The following RBFOX1 variants were observed in gnomAD, a reference collection of about 807,000 sequenced individuals.
The protein encoded by RBFOX1 is RNA binding protein fox-1 homolog 1.
RBFOX1 carries 8 observed loss-of-function variants against 57.7 expected under a neutral mutation model. The ratio of observed to expected loss-of-function variants is 0.14; its 90% CI spans 0.08 to 0.25. RBFOX1 has a LOEUF of 0.25. RBFOX1 is among the 10% of genes least tolerant of loss of function. RBFOX1 has a pLI of 1.00. For synonymous variants in RBFOX1, 326 were observed against 222.4 expected, an observed-to-expected ratio of 1.47 and a Z score of -4.15; for missense variants, 611 against 548.5, an observed-to-expected ratio of 1.11 and a Z score of -1.14.
At chr16:5,257,595 TG>T (rs2062620489) in intron 1 of RBFOX1, among the ~76,000 whole-genome samples, 1 of 152,228 alleles carries the variant, frequency 6.6e-6, no homozygotes, top group Non-Finnish European at 1.5e-5. Flanking sequence ...TCTCTGGCGC[TG>T]AGTTCTTGGA....
chr16:7,172,577 C>T (rs1447407917), intron 4 of RBFOX1, among the ~76,000 whole-genome samples: 1 of 152,112 alleles, frequency 6.6e-6, no homozygotes, highest in Non-Finnish European at 1.5e-5. Flanking sequence ...ATTAGCATTC[C>T]TGTTGTTTCC....
intron 1 of RBFOX1, among the ~76,000 whole-genome samples, chr16:6,214,390 G>T (rs1043494606): frequency 1.3e-5 from 2 of 148,696 alleles, no homozygotes; most frequent in East Asian, 4.2e-4. Context: ...AGAGTGAGAG[G>T]GAGAGGGACA....
chr16:6,587,012 G>C (rs1365473330), intron 2 of RBFOX1, among the ~76,000 whole-genome samples: 1 of 150,330 alleles, frequency 6.7e-6, no homozygotes, highest in Non-Finnish European at 1.5e-5. Flanking sequence ...CCTGTTTATT[G>C]TGTGTGTGTG....
At chr16:5,943,037 T>C (rs114002870) in intron 4 of RBFOX1, among the ~76,000 whole-genome samples, 2,602 of 152,250 alleles carry the variant, frequency 0.017, 70 homozygotes, top group African/African-American at 0.059. Context: ...TGGGGGGCCA[T>C]GACCCCACTG....
chr16:7,336,629 CAGAG>C (rs2096793637), intron 4 of RBFOX1, among the ~76,000 whole-genome samples: 3 of 152,180 alleles, frequency 2.0e-5, no homozygotes, highest in Non-Finnish European at 4.4e-5. Flanking sequence ...ATAATGAAGT[CAGAG>C]GGAGGAAATG....
At chr16:5,879,788 C>G (rs916576194) in intron 4 of RBFOX1, among the ~76,000 whole-genome samples, 2 of 152,202 alleles carry the variant, frequency 1.3e-5, no homozygotes, top group African/African-American at 2.4e-5. Context: ...GTTGACCTCG[C>G]AGTACAGGAT....
At chr16:6,918,861 C>A (rs1045683317) in intron 3 of RBFOX1, among the ~76,000 whole-genome samples, 2 of 152,078 alleles carry the variant, frequency 1.3e-5, no homozygotes, top group Admixed American at 6.6e-5. Flanking sequence ...CAGGCTTGGC[C>A]CTTACCTGAT....
chr16:5,871,119 C>A (rs992116832), intron 4 of RBFOX1, among the ~76,000 whole-genome samples: 19 of 152,288 alleles, frequency 1.2e-4, no homozygotes, highest in African/African-American at 4.6e-4. Context: ...CATATGCCAC[C>A]CCTCCCTGCA....
intron 3 of RBFOX1, among the ~76,000 whole-genome samples, chr16:5,706,306 C>G (rs767227473): frequency 2.6e-5 from 4 of 152,180 alleles, no homozygotes; most frequent in Non-Finnish European, 4.4e-5. Flanking sequence ...AACATGTTTC[C>G]TGATGTAGCA....
At chr16:7,101,171 A>T (rs144108452) in intron 4 of RBFOX1, among the ~76,000 whole-genome samples, 1 of 152,196 alleles carries the variant, frequency 6.6e-6, no homozygotes, top group African/African-American at 2.4e-5. Flanking sequence ...AGTCAGAGCT[A>T]TGCATGCAGG....
intron 3 of RBFOX1, among the ~76,000 whole-genome samples, chr16:6,964,639 A>G (rs1340283139): frequency 6.6e-6 from 1 of 152,184 alleles, no homozygotes; most frequent in Non-Finnish European, 1.5e-5. Flanking sequence ...GTTTGAAGAA[A>G]ATAAAAATAC....
chr16:6,591,713 A>G (rs1385832127), intron 2 of RBFOX1, among the ~76,000 whole-genome samples: 1 of 152,136 alleles, frequency 6.6e-6, no homozygotes, highest in Non-Finnish European at 1.5e-5. Flanking sequence ...TTTCTATCTA[A>G]TTTGTACTAT....
At chr16:7,457,421 T>C (rs893519817) in intron 4 of RBFOX1, among the ~76,000 whole-genome samples, 2 of 152,192 alleles carry the variant, frequency 1.3e-5, no homozygotes, top group African/African-American at 4.8e-5. Context: ...GGCATTAGTG[T>C]TGCGTGGATT....
At chr16:7,276,921 G>A (rs933315293) in intron 4 of RBFOX1, among the ~76,000 whole-genome samples, 47 of 152,172 alleles carry the variant, frequency 3.1e-4, no homozygotes, top group Non-Finnish European at 1.5e-5. Context: ...ACAGTTTGAT[G>A]CGTCCCAGCA....
At chr16:7,590,916 CAGTA>C (rs2094413024) in intron 7 of RBFOX1, among the ~76,000 whole-genome samples, 1 of 146,930 alleles carries the variant, frequency 6.8e-6, no homozygotes, top group South Asian at 2.2e-4. Flanking sequence ...CAGTAGATAT[CAGTA>C]AGTATTTGCT....
intron 3 of RBFOX1, among the ~76,000 whole-genome samples, chr16:6,922,537 G>A (rs558200197): frequency 4.6e-5 from 7 of 152,122 alleles, no homozygotes; most frequent in Admixed American, 2.0e-4. Flanking sequence ...ATTTTCCTGC[G>A]TCTGTGTTTT....
intron 4 of RBFOX1, among the ~76,000 whole-genome samples, chr16:5,963,098 G>A (rs779685669): frequency 1.2e-3 from 188 of 152,146 alleles, no homozygotes; most frequent in Non-Finnish European, 2.0e-3. Flanking sequence ...ATTTTTATGT[G>A]TATAAGATAA....
intron 3 of RBFOX1, among the ~76,000 whole-genome samples, chr16:6,987,456 GACACACACACACACACACACACACACAC>G (rs199503873): frequency 2.2e-5 from 3 of 135,418 alleles, no homozygotes; most frequent in African/African-American, 5.3e-5. Flanking sequence ...AAACTTTTCA[GACACACACACACACACACACACACACAC>G]ACACACACAC....
intron 1 of RBFOX1, among the ~76,000 whole-genome samples, chr16:6,103,676 TA>T (rs1293310511): frequency 6.6e-6 from 1 of 152,098 alleles, no homozygotes; most frequent in East Asian, 1.9e-4. Flanking sequence ...GCCACTGAGC[TA>T]AGGATCTGGG....
Sources: gnomAD v4.1 joint callset for allele counts (sites outside exome capture counted in the v4.1 genomes callset) on GRCh38, gnomAD v4.1.1 for gene constraint, MANE v1.5 for transcripts, NCBI Gene and HGNC (gene_info 2026-07-23, HGNC 2026-07-21) for gene names.